NUP155: variants seen among roughly 807,000 people sequenced by gnomAD.
The protein encoded by NUP155 is nucleoporin 155.
In NUP155, 71 loss-of-function variants were observed where a neutral mutation model predicts 180.4. That is an observed-to-expected ratio of 0.39 (90% CI 0.33 to 0.48). The LOEUF is 0.48. Ranked by LOEUF, NUP155 falls within the 20% of genes least tolerant of loss-of-function variation. The probability of loss-of-function intolerance (pLI) is 0.91; values close to 1 mark genes in which losing one functional copy is unlikely to be tolerated. For missense variants in NUP155, 1,553 were observed against 1,648.9 expected, an observed-to-expected ratio of 0.94 and a Z score of 1.01; for synonymous variants, 582 against 559.5, an observed-to-expected ratio of 1.04 and a Z score of -0.57.
intron 1 of NUP155, among the ~76,000 whole-genome samples, chr5:37,365,772 CACA>C: frequency 7.4e-6 from 1 of 134,462 alleles, no homozygotes; most frequent in Admixed American, 7.8e-5. Context: ...CACACACACA[CACA>C]CACACACACA....
chr5:37,349,063 T>C, intron 8 of NUP155, 109 bp downstream of exon 8: 1 of 340,840 alleles, frequency 2.9e-6, no homozygotes, highest in Admixed American at 4.6e-5. Flanking sequence ...GCAGGCTTTT[T>C]TTTTTTTTAG....
intron 1 of NUP155, among the ~76,000 whole-genome samples, chr5:37,366,625 G>C (rs1747600971): frequency 6.7e-6 from 1 of 149,884 alleles, no homozygotes; most frequent in African/African-American, 2.5e-5. Context: ...TTTTAATAGA[G>C]ACAAGGTTTC....
intron 1 of NUP155, among the ~76,000 whole-genome samples, chr5:37,368,281 G>A (rs573352566): frequency 1.1e-4 from 15 of 131,354 alleles, no homozygotes; most frequent in Admixed American, 9.5e-5. Context: ...GTGCAGCGGC[G>A]CAATCACAGC....
At position 37,304,600 on chromosome 5, in the gene NUP155, G is replaced by A. The variant is rs534994681; in HGVS notation, c.3162+139C>T. 156 of 690,444 alleles carry A rather than the reference G, an allele frequency of 2.3e-4. 2 individuals carry two copies. The Middle Eastern group carries it at 5.4e-3, about 24-fold the overall frequency. 42.8% of individuals were successfully genotyped at this position (690,444 alleles called of 1,614,324 possible). On this transcript the variant is annotated intron_variant, in intron 27 of 34. Coordinates refer to ENST00000231498, the MANE Select transcript of NUP155 (RefSeq NM_153485.3). ...ACTTTGCCCCTTAGGAAAAGATACT[G>A]CATTACTCAGCTTTATACTAACATC...
In NUP155 at chr5:37,322,480, G is replaced by A. The variant is rs1164665105; in HGVS notation, c.2207+1512C>T. On this transcript the variant is annotated intron_variant, in intron 20 of 34. Transcript: ENST00000231498. ...CTCAGCACTTTGGGAGGCCGAGGCG[G>A]GCGGATCACGAGGTCAGGAGATCGA... Among the ~76,000 whole-genome samples the A allele has an allele frequency of 4.6e-5, 7 of 151,704 alleles. No homozygotes were observed. In the South Asian group the frequency reaches 1.0e-3, roughly 23 times the overall value.
Position 37,351,340 on chromosome 5 carries a change from A to G in NUP155, c.573T>C (p.Asn191=). 5.0e-6 allele frequency: 8 copies of G among 1,611,938 alleles called. No individual in the cohort carries two copies. The highest frequency in any genetic ancestry group is 6.8e-6 in the Non-Finnish European group (8 of 1,178,174). ...ANLQTGSGVL[N]DSLSGGMQLL... is the part of the protein sequence containing the mutation. Reference sequence around the variant, plus strand: ...ACTGCATTCCACCAGACAAACTATCATTAAGAACTCCAGAACCTATTTAAG... The same window carrying G: ...ACTGCATTCCACCAGACAAACTATCGTTAAGAACTCCAGAACCTATTTAAG... Residue 191 remains asparagine, a synonymous_variant, in exon 6 of 35, where the codon AAT becomes AAC. Transcript: ENST00000231498.
At chr5:37,316,451 T>C (rs183349815) in intron 21 of NUP155, among the ~76,000 whole-genome samples, 52 of 152,202 alleles carry the variant, frequency 3.4e-4, no homozygotes, top group South Asian at 1.2e-3. Context: ...ATTTCATGGG[T>C]ACAGAGTGAC....
At chr5:37,304,636 C>T (rs1291516677) in intron 27 of NUP155, 103 bp downstream of exon 27, 3 of 814,992 alleles carry the variant, frequency 3.7e-6, no homozygotes, top group Middle Eastern at 3.7e-4. Context: ...TAATAGCAGG[C>T]ATGGGATGAG....
chr5:37,355,996 G>A (rs170106), intron 4 of NUP155, among the ~76,000 whole-genome samples: 5 of 151,884 alleles, frequency 3.3e-5, no homozygotes, highest in East Asian at 2.0e-4. Context: ...TTGGGAGGCC[G>A]AGGTGGGCGG....
chr5:37,364,707 G>A (rs1010279726), intron 1 of NUP155, among the ~76,000 whole-genome samples: 23 of 151,688 alleles, frequency 1.5e-4, no homozygotes, highest in African/African-American at 5.6e-4. Context: ...CACAATCTCG[G>A]CTCACTGCAA....
intron 32 of NUP155, 92 bp downstream of exon 32, chr5:37,298,774 CTT>C (rs535740786): frequency 6.6e-6 from 5 of 757,188 alleles, no homozygotes; most frequent in South Asian, 2.9e-5. Context: ...CAAAGAAACT[CTT>C]TATTTTACTC....
chr5:37,292,763 A>C (rs1318092327), intron 34 of NUP155, 116 bp downstream of exon 34: 1 of 702,228 alleles, frequency 1.4e-6, no homozygotes, highest in Non-Finnish European at 2.6e-6. Flanking sequence ...TATCATTCAA[A>C]TAGTTATTGC....
At chr5:37,299,082 G>A (rs1443746943) in intron 31 of NUP155, 104 bp from the exon 32 acceptor site, 5 of 740,868 alleles carry the variant, frequency 6.7e-6, no homozygotes, top group Non-Finnish European at 1.2e-5. Flanking sequence ...CTTTAGAACA[G>A]ATAGTCACAT....
At chr5:37,348,407 C>G (rs1746243136) in intron 9 of NUP155, 98 bp downstream of exon 9, 2 of 827,508 alleles carry the variant, frequency 2.4e-6, no homozygotes, top group Non-Finnish European at 4.3e-6. Flanking sequence ...CTTTTAGAGA[C>G]ATTTTGATGA....
At chr5:37,343,796 A>G (rs1241911515) in intron 9 of NUP155, among the ~76,000 whole-genome samples, 2 of 151,876 alleles carry the variant, frequency 1.3e-5, no homozygotes, top group South Asian at 4.2e-4. Context: ...GGGAGGCTGA[A>G]GCAGAAGAAT....
chr5:37,332,953 C>CTAAAA (rs1315624976), intron 13 of NUP155, among the ~76,000 whole-genome samples: 1 of 150,924 alleles, frequency 6.6e-6, no homozygotes, highest in South Asian at 2.1e-4. Context: ...AAGACCTTGT[C>CTAAAA]TAAAATAAAA....
rs1322748542 is a variant in NUP155 at position 37,337,908 on chromosome 5, C to A, written c.1257G>T (p.Leu419Phe). 2.5e-6 allele frequency: 4 copies of A among 1,584,454 alleles called. No homozygotes were observed. The East Asian group carries it at 9.0e-5, about 35-fold the overall frequency. Residue 419 changes from leucine (L) to phenylalanine (F), a missense_variant, in exon 12 of 35, where the codon TTG becomes TTT. Physicochemically the swap from Leu to Phe is conservative, Grantham distance 22. Transcript: ENST00000231498. ...TATCCTCATTTTCTGAGGCTGCCATCAATAGAATACCTAAAAGTTTAATAT... is the reference window on the plus strand; with the variant it reads ...TATCCTCATTTTCTGAGGCTGCCATAAATAGAATACCTAAAAGTTTAATAT... Reference protein sequence around the residue: ...HRALYSKGILLMAASENEDND... With the variant: ...HRALYSKGILFMAASENEDND...
chr5:37,292,549 G>A (rs1488508859), intron 34 of NUP155, among the ~76,000 whole-genome samples: 3 of 152,102 alleles, frequency 2.0e-5, no homozygotes, highest in African/African-American at 7.2e-5. Flanking sequence ...AGCAGTAAGA[G>A]ATGATTCCTG....
chr5:37,364,454 G>T, intron 1 of NUP155, 70 bp from the exon 2 acceptor site: 1 of 1,405,132 alleles, frequency 7.1e-7, no homozygotes, highest in Non-Finnish European at 1.0e-6. Flanking sequence ...AGGATTGAGT[G>T]CCACAAAAAA....
Sources: gnomAD v4.1 joint callset for allele counts (sites outside exome capture counted in the v4.1 genomes callset) on GRCh38, gnomAD v4.1.1 for gene constraint, MANE v1.5 for transcripts, NCBI Gene and HGNC (gene_info 2026-07-23, HGNC 2026-07-21) for gene names.